KLF17: variants seen among roughly 807,000 people sequenced by gnomAD.
The protein encoded by KLF17 is Krueppel-like factor 17.
In KLF17, 31 loss-of-function variants were observed where a neutral mutation model predicts 34.2. That is an observed-to-expected ratio of 0.91 (90% CI 0.68 to 1.22). The LOEUF (loss-of-function observed/expected upper bound fraction) is 1.22, where lower values mean the gene tolerates loss of function less well. KLF17 is among the 50% of genes most tolerant of loss of function. The pLI, the probability that KLF17 is intolerant of heterozygous loss-of-function variation, is 0.00. For missense variants in KLF17, 478 were observed against 505.2 expected, an observed-to-expected ratio of 0.95 and a Z score of 0.52; for synonymous variants, 179 against 186.7, an observed-to-expected ratio of 0.96 and a Z score of 0.34.
the KLF17 span, chr1:44,103,253 G>T: frequency 1.5e-6 from 1 of 683,606 alleles, no homozygotes; most frequent in East Asian, 2.6e-5. Flanking sequence ...CCTCCCTCCC[G>T]GACTCTGGGG....
At chr1:44,055,713 T>G in the KLF17 span, among the ~76,000 whole-genome samples, 1 of 152,200 alleles carries the variant, frequency 6.6e-6, no homozygotes, top group Non-Finnish European at 1.5e-5. Context: ...AAACCCAATG[T>G]TAATTACATG....
the KLF17 span, among the ~76,000 whole-genome samples, chr1:44,099,232 C>T: frequency 9.3e-5 from 14 of 150,934 alleles, no homozygotes; most frequent in South Asian, 4.2e-4. Context: ...CATCAAACCC[C>T]GTCTCCACAA....
chr1:44,120,592 GT>G (rs2087934687), intron 1 of KLF17, among the ~76,000 whole-genome samples: 1 of 152,180 alleles, frequency 6.6e-6, no homozygotes, highest in African/African-American at 2.4e-5. Flanking sequence ...ATGAAAGCTG[GT>G]TCTGTGGAGA....
chr1:44,095,821 CATATTG>C, the KLF17 span, among the ~76,000 whole-genome samples: 16 of 135,542 alleles, frequency 1.2e-4, no homozygotes, highest in African/African-American at 4.1e-4. Context: ...GTTTTTTTTT[CATATTG>C]TTCAGCTGTT....
intron 1 of KLF17, among the ~76,000 whole-genome samples, chr1:44,123,454 A>G (rs1021744541): frequency 4.6e-5 from 7 of 152,194 alleles, no homozygotes; most frequent in Non-Finnish European, 8.8e-5. Flanking sequence ...CTTCTGTAAA[A>G]TTGGTAATAA....
intron 3 of KLF17, among the ~76,000 whole-genome samples, chr1:44,132,515 C>T (rs143849777): frequency 6.6e-6 from 1 of 152,282 alleles, no homozygotes; most frequent in Non-Finnish European, 1.5e-5. Flanking sequence ...CCACCCCAGC[C>T]TATTAAATAC....
chr1:44,046,686 T>C, the KLF17 span, among the ~76,000 whole-genome samples: 1 of 152,116 alleles, frequency 6.6e-6, no homozygotes, highest in Non-Finnish European at 1.5e-5. Flanking sequence ...GGCTAGTAAA[T>C]AGCAAATCTA....
the KLF17 span, among the ~76,000 whole-genome samples, chr1:44,073,031 C>T: frequency 6.6e-6 from 1 of 152,016 alleles, no homozygotes; most frequent in African/African-American, 2.4e-5. Flanking sequence ...ACAGCAGTGT[C>T]AGGAAATGGT....
At chr1:44,115,929 A>C (rs1386281435), upstream of KLF17, 2 of 152,170 alleles carry the variant, frequency 1.3e-5, no homozygotes, top group Non-Finnish European at 2.9e-5. Flanking sequence ...TTGGCAAATA[A>C]ATTTTTCACT....
chr1:44,084,893 G>T, the KLF17 span, among the ~76,000 whole-genome samples: 1 of 145,970 alleles, frequency 6.9e-6, no homozygotes, highest in African/African-American at 2.6e-5. Flanking sequence ...GGGCAACATA[G>T]TGAGACCCTG....
At chr1:44,090,128 C>CA in the KLF17 span, among the ~76,000 whole-genome samples, 12,416 of 89,410 alleles carry the variant, frequency 0.14, 661 homozygotes, top group African/African-American at 0.19. Context: ...GACTCTGTCT[C>CA]AAAAAAAAAA....
chr1:44,060,554 C>T, the KLF17 span, among the ~76,000 whole-genome samples: 1 of 152,146 alleles, frequency 6.6e-6, no homozygotes, highest in South Asian at 2.1e-4. Context: ...CCCCATAAGA[C>T]CCAGGAACAC....
rs1311056571 is a variant in KLF17 at position 44,129,770 on chromosome 1, C to G, written c.499C>G (p.Pro167Ala). ...GLPVSASTGI[P>A]IMSHTGNPPV... ...GCCAGTCTCGGCTTCCACTGGAATC[C>G]CAATAATGTCCCACACTGGGAACCC... Residue 167 changes from proline (P) to alanine (A), a missense_variant, in exon 2 of 4, where the codon CCA becomes GCA. Physicochemically the swap from Pro to Ala is conservative, Grantham distance 27. Coordinates refer to ENST00000372299, the MANE Select transcript of KLF17 (RefSeq NM_173484.4). 1 of 1,614,026 alleles carries G rather than the reference C, an allele frequency of 6.2e-7. No homozygotes were observed. Among genetic ancestry groups the G allele is most frequent in the Non-Finnish European group, 8.5e-7 (1 of 1,180,034 alleles).
At chr1:44,106,324 A>G in the KLF17 span, among the ~76,000 whole-genome samples, 73 of 152,248 alleles carry the variant, frequency 4.8e-4, 1 homozygote, top group East Asian at 0.013. Flanking sequence ...TGTGGTCTCC[A>G]TTGCATCCAT....
At chr1:44,087,767 TATAC>T in the KLF17 span, among the ~76,000 whole-genome samples, 449 of 53,312 alleles carry the variant, frequency 8.4e-3, 1 homozygote, top group Non-Finnish European at 0.011. Context: ...TATATATATA[TATAC>T]ACACACACAC....
In KLF17 at chr1:44,129,563, A is replaced by G; in HGVS notation, c.292A>G (p.Met98Val). Residue 98 changes from methionine (M) to valine (V), a missense_variant, in exon 2 of 4, where the codon ATG becomes GTG. Coordinates refer to ENST00000372299, the MANE Select transcript of KLF17 (RefSeq NM_173484.4). ...QFSMPLPERG[M>V]SYCPQATLTP... ...CAGTATGCCACTGCCTGAGCGTGGT[A>G]TGAGCTACTGCCCCCAAGCGACTCT... 1 of 1,613,968 alleles carries G rather than the reference A, an allele frequency of 6.2e-7. No individual in the cohort carries two copies.
the KLF17 span, among the ~76,000 whole-genome samples, chr1:44,083,095 C>T: frequency 7.4e-3 from 1,117 of 151,828 alleles, 14 homozygotes; most frequent in African/African-American, 0.025. Flanking sequence ...GGCATGCCAC[C>T]ACACCCAGCT....
chr1:44,066,345 C>G, the KLF17 span, among the ~76,000 whole-genome samples: 1 of 145,746 alleles, frequency 6.9e-6, no homozygotes, highest in Non-Finnish European at 1.5e-5. Context: ...AACCCTCCCC[C>G]CAAAAAAAAC....
At chr1:44,083,290 T>G in the KLF17 span, among the ~76,000 whole-genome samples, 1 of 151,708 alleles carries the variant, frequency 6.6e-6, no homozygotes, top group Non-Finnish European at 1.5e-5. Flanking sequence ...GGTTTTTTTT[T>G]TTTGGTTAAA....
Sources: allele counts gnomAD v4.1 joint callset (sites outside exome capture counted in the v4.1 genomes callset), GRCh38; gene constraint gnomAD v4.1.1; transcripts MANE v1.5; gene names NCBI Gene and HGNC (gene_info 2026-07-23, HGNC 2026-07-21).